Variants in NCALD observed in about 807,000 individuals in gnomAD.
The protein encoded by NCALD is neurocalcin delta.
A neutral mutation model predicts 18.6 loss-of-function variants in NCALD; 10 were observed. The observed-to-expected ratio is 0.54, with a 90% CI of 0.33 to 0.91. The LOEUF (loss-of-function observed/expected upper bound fraction) is 0.91, where lower values mean the gene tolerates loss of function less well. Ranked by LOEUF, NCALD falls within the 40% of genes least tolerant of loss-of-function variation. NCALD has a pLI of 0.03. For missense variants in NCALD, 184 were observed against 247.6 expected (o/e 0.74, Z 1.72); for synonymous variants, 88 against 87.4 (o/e 1.01, Z -0.04).
intron 1 of NCALD, among the ~76,000 whole-genome samples, chr8:102,086,677 C>A (rs148014826): frequency 0.021 from 3,210 of 152,286 alleles, 53 homozygotes; most frequent in Middle Eastern, 0.051. Context: ...CACACCTCAA[C>A]CCTGTCAGAG....
At chr8:101,893,451 T>TCAACTAACGAGCAAAATAAC (rs1391126223) in intron 3 of NCALD, among the ~76,000 whole-genome samples, 1 of 145,956 alleles carries the variant, frequency 6.9e-6, no homozygotes, top group Non-Finnish European at 1.5e-5. Context: ...AGAAACTGCA[T>TCAACTAACGAGCAAAATAAC]CAACTAACGA....
intron 2 of NCALD, among the ~76,000 whole-genome samples, chr8:101,955,189 T>C (rs1819577324): frequency 6.6e-6 from 1 of 152,214 alleles, no homozygotes; most frequent in Non-Finnish European, 1.5e-5. Flanking sequence ...ACAGTCTTAA[T>C]TAAATGAGAA....
chr8:101,927,174 C>T (rs1818365635), intron 2 of NCALD, among the ~76,000 whole-genome samples: 1 of 152,172 alleles, frequency 6.6e-6, no homozygotes, highest in African/African-American at 2.4e-5. Flanking sequence ...CTCCTCCCAC[C>T]TCATTTTACC....
intron 4 of NCALD, among the ~76,000 whole-genome samples, chr8:101,824,053 T>C (rs1326569044): frequency 6.6e-6 from 1 of 152,228 alleles, no homozygotes; most frequent in Non-Finnish European, 1.5e-5. Context: ...GTCGTGAAAC[T>C]TCTATATCCA....
chr8:101,819,226 C>T (rs922578201), intron 4 of NCALD, among the ~76,000 whole-genome samples: 2 of 151,558 alleles, frequency 1.3e-5, no homozygotes, highest in African/African-American at 2.4e-5. Context: ...CTTGTCAGCA[C>T]TACATCACAT....
At chr8:102,057,178 C>T (rs182828750) in intron 1 of NCALD, among the ~76,000 whole-genome samples, 21 of 152,152 alleles carry the variant, frequency 1.4e-4, no homozygotes, top group Non-Finnish European at 2.1e-4. Flanking sequence ...CTCTACTCTT[C>T]GTGCTCCCCT....
chr8:101,835,035 G>A (rs1814352915), intron 4 of NCALD, among the ~76,000 whole-genome samples: 1 of 152,208 alleles, frequency 6.6e-6, no homozygotes, highest in Non-Finnish European at 1.5e-5. Flanking sequence ...GATTAACTGG[G>A]TCAAAAGTTT....
intron 4 of NCALD, among the ~76,000 whole-genome samples, chr8:101,829,977 T>TTC (rs1423021210): frequency 6.7e-6 from 1 of 150,008 alleles, no homozygotes; most frequent in African/African-American, 2.5e-5. Flanking sequence ...CACATGGGTT[T>TTC]TTTTTTTTTT....
At chr8:101,913,613 G>A (rs866827780) in intron 3 of NCALD, among the ~76,000 whole-genome samples, 25 of 152,134 alleles carry the variant, frequency 1.6e-4, no homozygotes, top group African/African-American at 5.5e-4. Flanking sequence ...ACAGAGTTTC[G>A]CTCTTGTTGC....
intron 1 of NCALD, among the ~76,000 whole-genome samples, chr8:102,081,545 T>TAAAAAAAA (rs770307937): frequency 1.6e-4 from 11 of 68,700 alleles, no homozygotes; most frequent in African/African-American, 5.6e-4. Context: ...CAAATAATGG[T>TAAAAAAAA]AAAAAAAAAA....
At chr8:102,081,575 A>ACCC (rs533829299) in intron 1 of NCALD, among the ~76,000 whole-genome samples, 58 of 51,204 alleles carry the variant, frequency 1.1e-3, no homozygotes, top group Non-Finnish European at 1.7e-3. Flanking sequence ...AAAAAAAAAA[A>ACCC]ACCCCAAAAA....
chr8:101,968,684 C>T (rs987918988), intron 2 of NCALD, among the ~76,000 whole-genome samples: 1 of 152,106 alleles, frequency 6.6e-6, no homozygotes, highest in African/African-American at 2.4e-5. Context: ...ACTTCCTGTG[C>T]CTGCCATCTA....
intron 1 of NCALD, among the ~76,000 whole-genome samples, chr8:101,765,602 T>A (rs1375946593): frequency 6.6e-6 from 1 of 152,202 alleles, no homozygotes; most frequent in Non-Finnish European, 1.5e-5. Context: ...ATCTAGCTTA[T>A]GGGGACTCCT....
At chr8:101,722,261 CT>C (rs968659510) in intron 1 of NCALD, among the ~76,000 whole-genome samples, 9 of 152,104 alleles carry the variant, frequency 5.9e-5, no homozygotes, top group Non-Finnish European at 1.0e-4. Context: ...CCTCTGTGTC[CT>C]TTTTTTCCCC....
At chr8:101,997,140 G>C (rs1010289757) in intron 2 of NCALD, among the ~76,000 whole-genome samples, 2 of 152,118 alleles carry the variant, frequency 1.3e-5, no homozygotes, top group Non-Finnish European at 2.9e-5. Context: ...GCTCATTTAA[G>C]CTCTGAGAGT....
intron 2 of NCALD, among the ~76,000 whole-genome samples, chr8:101,975,590 G>T (rs1026751257): frequency 3.3e-5 from 5 of 152,176 alleles, no homozygotes; most frequent in African/African-American, 7.2e-5. Context: ...GCAACTACTA[G>T]CATTTGTTCA....
At chr8:101,969,582 TC>T (rs1282427776) in intron 2 of NCALD, among the ~76,000 whole-genome samples, 1 of 152,186 alleles carries the variant, frequency 6.6e-6, no homozygotes, top group Non-Finnish European at 1.5e-5. Flanking sequence ...GTCATCTGAT[TC>T]TCAGACGGGG....
chr8:101,800,535 A>G (rs1655542691), intron 4 of NCALD, among the ~76,000 whole-genome samples: 1 of 152,042 alleles, frequency 6.6e-6, no homozygotes, highest in South Asian at 2.1e-4. Context: ...ATCAATAATT[A>G]CCATAATATA....
chr8:101,886,142 T>A (rs1381494444), intron 4 of NCALD, among the ~76,000 whole-genome samples: 1 of 152,208 alleles, frequency 6.6e-6, no homozygotes, highest in Non-Finnish European at 1.5e-5. Flanking sequence ...CTTCTATAGA[T>A]CTCATTAGAA....
Sources: allele counts gnomAD v4.1 joint callset (sites outside exome capture counted in the v4.1 genomes callset), GRCh38; gene constraint gnomAD v4.1.1; transcripts MANE v1.5; gene names NCBI Gene and HGNC (gene_info 2026-07-23, HGNC 2026-07-21).